The following PUDP variants were observed in gnomAD, a reference collection of about 807,000 sequenced individuals.
PUDP encodes the protein pseudouridine-5'-phosphatase.
Under a neutral mutation model 9.4 loss-of-function variants are expected in PUDP, and 8 were observed. The observed-to-expected ratio is 0.85, with a 90% confidence interval of 0.50 to 1.53. PUDP has a LOEUF of 1.53. Among genes scored for constraint, PUDP ranks in the 40% most tolerant of loss-of-function variants. The pLI is 0.00. For missense variants in PUDP, 188 were observed against 189.7 expected, an observed-to-expected ratio of 0.99 and a Z score of 0.05; for synonymous variants, 99 against 80.7, an observed-to-expected ratio of 1.23 and a Z score of -1.22.
Position 6,720,277 on chromosome X carries a change from TATATATATATAC to T in PUDP, n.128+1128_128+1139del, listed in dbSNP as rs927591089. ...GTGTGTGTATATATATATATATATA[TATATATATATAC>T]ACACACACACATAAATATGAATAGT... On this transcript the variant is annotated intron_variant and non_coding_transcript_variant, in intron 1 of 2. Transcript: ENST00000438499. Among the ~76,000 whole-genome samples, 12 of 88,885 alleles carry T rather than the reference TATATATATATAC, an allele frequency of 1.4e-4. 1 individual carries two copies. Among genetic ancestry groups the T allele is most frequent in the African/African-American group, 1.7e-4 (4 of 23,032 alleles). 77.2% of individuals were successfully genotyped at this position (88,885 alleles called of 115,157 possible).
chrX:6,982,389 G>A (rs1929048195), intron 1 of PUDP, among the ~76,000 whole-genome samples: 1 of 110,926 alleles, frequency 9.0e-6, no homozygotes, highest in Non-Finnish European at 1.9e-5. Context: ...ATAGTTTGGT[G>A]GGCAGGGACT....
At chrX:6,828,989 C>T (rs559632669) in intron 3 of PUDP, among the ~76,000 whole-genome samples, 2 of 110,568 alleles carry the variant, frequency 1.8e-5, no homozygotes, top group Admixed American at 1.9e-4. Context: ...GTGTCAAAAT[C>T]GAACCCCCAA....
chrX:6,952,094 G>C (rs1928566483), intron 3 of PUDP, among the ~76,000 whole-genome samples: 1 of 111,498 alleles, frequency 9.0e-6, no homozygotes, highest in African/African-American at 3.3e-5. Context: ...GACTCAATAA[G>C]CTCATCTCCA....
At chrX:6,767,232 C>G (rs1259728685) in intron 3 of PUDP, among the ~76,000 whole-genome samples, 1 of 112,936 alleles carries the variant, frequency 8.9e-6, no homozygotes, top group Non-Finnish European at 1.9e-5. Context: ...TCTGGTCAAC[C>G]ATGGCATGCG....
chrX:7,094,504 C>G (rs1250848702), intron 2 of PUDP, among the ~76,000 whole-genome samples: 2 of 110,250 alleles, frequency 1.8e-5, no homozygotes. Flanking sequence ...CTACAGGCGC[C>G]TGCCACCACA....
chrX:6,724,349 C>A (rs1415061051), upstream of PUDP, among the ~76,000 whole-genome samples: 1 of 110,667 alleles, frequency 9.0e-6, no homozygotes, highest in African/African-American at 3.3e-5. Flanking sequence ...CTAAAATGAG[C>A]AAACTTATAC....
At chrX:7,128,572 C>T in intron 1 of PUDP, among the ~76,000 whole-genome samples, 1 of 111,004 alleles carries the variant, frequency 9.0e-6, no homozygotes, top group East Asian at 2.8e-4. Context: ...ATGGCACGGG[C>T]GGCAGTCGCT....
chrX:6,807,516 G>A (rs533895879), intron 3 of PUDP, among the ~76,000 whole-genome samples: 46 of 112,413 alleles, frequency 4.1e-4, no homozygotes, highest in Non-Finnish European at 7.7e-4. Context: ...GTGTAACTAT[G>A]TCCCTGCCTA....
chrX:6,898,529 C>A (rs1927625506), intron 3 of PUDP, among the ~76,000 whole-genome samples: 1 of 111,698 alleles, frequency 9.0e-6, no homozygotes, highest in African/African-American at 3.3e-5. Flanking sequence ...ACTCTGGTTA[C>A]TTTTTAAACA....
At chrX:7,124,349 C>T (rs1044409995) in intron 1 of PUDP, among the ~76,000 whole-genome samples, 3 of 111,721 alleles carry the variant, frequency 2.7e-5, no homozygotes, top group Non-Finnish European at 5.6e-5. Context: ...AAAATGGAAA[C>T]ACAACATACC....
At chrX:6,814,076 C>T (rs1926188158) in intron 3 of PUDP, among the ~76,000 whole-genome samples, 1 of 110,675 alleles carries the variant, frequency 9.0e-6, no homozygotes, top group South Asian at 3.9e-4. Flanking sequence ...GTTCCCTCTC[C>T]TCTTGATCCT....
intron 3 of PUDP, among the ~76,000 whole-genome samples, chrX:6,901,903 T>C (rs911754823): frequency 1.8e-5 from 2 of 111,725 alleles, no homozygotes; most frequent in Non-Finnish European, 1.9e-5. Flanking sequence ...AGAGAGTGTC[T>C]TGCTCTGTCA....
chrX:6,803,323 T>C (rs1299425809), intron 3 of PUDP, among the ~76,000 whole-genome samples: 1 of 110,671 alleles, frequency 9.0e-6, no homozygotes, highest in Non-Finnish European at 1.9e-5. Flanking sequence ...AAAGCTACAT[T>C]GGAAGAGGAG....
chrX:6,845,464 A>C (rs1209771854), intron 3 of PUDP, among the ~76,000 whole-genome samples: 12 of 112,022 alleles, frequency 1.1e-4, no homozygotes, highest in Admixed American at 9.4e-4. Flanking sequence ...CATTCCAAAA[A>C]TGGCAACTTT....
intron 2 of PUDP, among the ~76,000 whole-genome samples, chrX:7,078,141 C>T (rs73192629): frequency 0.016 from 1,736 of 111,937 alleles, 12 homozygotes; most frequent in Non-Finnish European, 0.027. Flanking sequence ...ACTACAGGGA[C>T]CACACAGGTC....
chrX:6,927,727 C>T (rs924674139), intron 3 of PUDP, among the ~76,000 whole-genome samples: 4 of 111,339 alleles, frequency 3.6e-5, no homozygotes, highest in Non-Finnish European at 7.5e-5. Context: ...AGAATGAAGG[C>T]CCAACTCCCC....
intron 1 of PUDP, among the ~76,000 whole-genome samples, chrX:7,037,814 T>G (rs750761000): frequency 9.0e-4 from 100 of 111,488 alleles, no homozygotes; most frequent in African/African-American, 2.9e-3. Flanking sequence ...CCAATGAATC[T>G]CATGGGGTGA....
chrX:6,819,858 CAG>C (rs1229569217), intron 3 of PUDP, among the ~76,000 whole-genome samples: 3 of 111,211 alleles, frequency 2.7e-5, no homozygotes, highest in Non-Finnish European at 5.6e-5. Flanking sequence ...AGAGAACACA[CAG>C]GGGATAATTT....
intron 3 of PUDP, among the ~76,000 whole-genome samples, chrX:6,732,352 C>A (rs997833515): frequency 2.7e-5 from 3 of 111,268 alleles, no homozygotes; most frequent in Non-Finnish European, 5.6e-5. Context: ...CCTTTATCAA[C>A]CACAGGAAAA....
Sources: gnomAD v4.1 joint callset for allele counts (sites outside exome capture counted in the v4.1 genomes callset) on GRCh38, gnomAD v4.1.1 for gene constraint, MANE v1.5 for transcripts, NCBI Gene and HGNC (gene_info 2026-07-23, HGNC 2026-07-21) for gene names.